NWD2: variants seen among roughly 807,000 people sequenced by gnomAD.
NWD2 encodes the protein NACHT and WD repeat domain-containing protein 2.
NWD2 carries 37 observed loss-of-function variants against 132.7 expected under a neutral mutation model. The ratio of observed to expected loss-of-function variants is 0.28; its 90% CI spans 0.21 to 0.37. The LOEUF (loss-of-function observed/expected upper bound fraction) is 0.37. Among genes scored for constraint, NWD2 ranks in the 10% least tolerant of loss-of-function variants. The pLI, the probability that NWD2 is intolerant of heterozygous loss-of-function variation, is 1.00. For synonymous variants in NWD2, 705 were observed against 803.0 expected, an observed-to-expected ratio of 0.88 and a Z score of 2.06; for missense variants, 1,592 against 2,122.4, an observed-to-expected ratio of 0.75 and a Z score of 4.91.
At chr4:37,317,584 G>A (rs1351203548) in intron 1 of NWD2, among the ~76,000 whole-genome samples, 2 of 152,148 alleles carry the variant, frequency 1.3e-5, no homozygotes, top group Non-Finnish European at 2.9e-5. Context: ...GATAGGAGAA[G>A]GCAAGAATCC....
At chr4:37,425,738 A>T (rs902015678) in intron 3 of NWD2, among the ~76,000 whole-genome samples, 11 of 152,186 alleles carry the variant, frequency 7.2e-5, no homozygotes, top group African/African-American at 2.4e-4. Flanking sequence ...GCAAAAAGCA[A>T]GCTTTTTGAG....
chr4:37,413,472 C>G (rs1215112674), intron 3 of NWD2, among the ~76,000 whole-genome samples: 1 of 152,166 alleles, frequency 6.6e-6, no homozygotes, highest in East Asian at 1.9e-4. Flanking sequence ...CAGAAAACAA[C>G]AGATGCTGGA....
In NWD2 at chr4:37,447,297, C is replaced by A; in HGVS notation, c.*80C>A. The A allele has an allele frequency of 2.7e-6, 3 of 1,091,550 alleles. No homozygotes were observed. Among genetic ancestry groups the A allele is most frequent in the Non-Finnish European group, 2.6e-6 (2 of 769,700 alleles). The allele number at this position is 1,091,550 out of a possible 1,614,324, so 67.6% of individuals were successfully genotyped here. On this transcript the variant is annotated 3_prime_UTR_variant, in exon 7 of 7. Coordinates refer to ENST00000309447, the MANE Select transcript of NWD2 (RefSeq NM_001144990.2). Reference sequence around the variant, plus strand: ...AATGTGCCCCAAATGATAAACTATTCATTTATTAAAAGGCAGGAGCGATGC... The same window carrying A: ...AATGTGCCCCAAATGATAAACTATTAATTTATTAAAAGGCAGGAGCGATGC...
At chr4:37,441,286 T>C (rs1290739915) in intron 6 of NWD2, among the ~76,000 whole-genome samples, 1 of 152,238 alleles carries the variant, frequency 6.6e-6, no homozygotes, top group East Asian at 1.9e-4. Context: ...CAGGAATTTG[T>C]ATGTGTATCT....
At chr4:37,275,955 G>A (rs1333134962) in intron 1 of NWD2, among the ~76,000 whole-genome samples, 1 of 152,092 alleles carries the variant, frequency 6.6e-6, no homozygotes, top group South Asian at 2.1e-4. Context: ...AATTCAAGAT[G>A]AATTAAAGAC....
chr4:37,355,748 C>T (rs762417707), intron 2 of NWD2, among the ~76,000 whole-genome samples: 1 of 152,106 alleles, frequency 6.6e-6, no homozygotes, highest in Non-Finnish European at 1.5e-5. Flanking sequence ...GATAGAGGAT[C>T]CTATTATCCT....
chr4:37,357,789 G>A (rs1719900055), intron 3 of NWD2, among the ~76,000 whole-genome samples: 1 of 152,096 alleles, frequency 6.6e-6, no homozygotes, highest in South Asian at 2.1e-4. Context: ...AAAGAAAAGA[G>A]AGAATACCAG....
At chr4:37,257,759 A>G (rs532939904) in intron 1 of NWD2, among the ~76,000 whole-genome samples, 1 of 152,314 alleles carries the variant, frequency 6.6e-6, no homozygotes, top group South Asian at 2.1e-4. Flanking sequence ...TAAAATGATG[A>G]TTTAATTACA....
At chr4:37,432,642 A>G (rs1712211237) in intron 4 of NWD2, among the ~76,000 whole-genome samples, 1 of 152,154 alleles carries the variant, frequency 6.6e-6, no homozygotes, top group African/African-American at 2.4e-5. Flanking sequence ...CCTTTGTAAA[A>G]TCTACCTAGC....
intron 1 of NWD2, among the ~76,000 whole-genome samples, chr4:37,319,626 AT>A (rs1719029113): frequency 6.6e-6 from 1 of 152,186 alleles, no homozygotes; most frequent in African/African-American, 2.4e-5. Context: ...TAAATCTTTA[AT>A]CTATCATGAG....
chr4:37,317,892 G>A (rs2109284183), intron 1 of NWD2, among the ~76,000 whole-genome samples: 1 of 152,178 alleles, frequency 6.6e-6, no homozygotes, highest in African/African-American at 2.4e-5. Context: ...GGCTTTAGGA[G>A]GACATGTTAA....
chr4:37,336,878 G>A (rs191965361), intron 2 of NWD2, among the ~76,000 whole-genome samples: 1 of 148,804 alleles, frequency 6.7e-6, no homozygotes, highest in African/African-American at 2.5e-5. Context: ...GGCGGAGGTT[G>A]CAGTGGGCCG....
chr4:37,430,468 C>A (rs1308392361), intron 3 of NWD2, 104 bp from the exon 4 acceptor site: 2 of 810,140 alleles, frequency 2.5e-6, no homozygotes, highest in Admixed American at 4.8e-5. Flanking sequence ...AGCAATGTAT[C>A]TTGTTATCTA....
intron 3 of NWD2, among the ~76,000 whole-genome samples, chr4:37,395,515 C>A (rs761117073): frequency 1.4e-3 from 181 of 129,120 alleles, no homozygotes; most frequent in Non-Finnish European, 1.2e-3. Context: ...CTGCCTCTCC[C>A]AGAGGTCGCA....
chr4:37,288,593 A>G (rs1180654324), intron 1 of NWD2, among the ~76,000 whole-genome samples: 1 of 152,240 alleles, frequency 6.6e-6, no homozygotes, highest in East Asian at 1.9e-4. Flanking sequence ...GCATGTGCAG[A>G]AATTTAATCA....
rs886120280 is a variant in NWD2 at position 37,244,760 on chromosome 4, G to T, written c.-308G>T. 7.3e-5 allele frequency: 22 copies of T among 302,386 alleles called. No homozygotes were observed. The highest frequency in any genetic ancestry group is 1.3e-4 in the Non-Finnish European group (21 of 165,334). 18.7% of individuals were successfully genotyped at this position (302,386 alleles called of 1,614,324 possible). On this transcript the variant is annotated 5_prime_UTR_variant, in exon 1 of 7. Coordinates refer to ENST00000309447, the MANE Select transcript of NWD2 (RefSeq NM_001144990.2). This position sits in a 1 kb window ranked among gnomAD's most constrained non-coding sequence, Gnocchi z 5.5. ...CCCGGCGCAAACGGGCGCTGCGCGCGTAGCCGCCGCCACGCTGACCTCCCG... is the reference window on the plus strand; with the variant it reads ...CCCGGCGCAAACGGGCGCTGCGCGCTTAGCCGCCGCCACGCTGACCTCCCG...
At position 37,444,106 on chromosome 4, in the gene NWD2, G is replaced by A. The variant is rs1198384347; in HGVS notation, c.2118G>A (p.Leu706=). The change falls in exon 7 of 7, where the codon TTG becomes TTA. Residue 706 remains leucine, a synonymous_variant. Transcript: ENST00000309447. The surrounding 1 kb of genome is among the most constrained non-coding windows in gnomAD (Gnocchi z 4.8). The stretch of plus-strand genomic sequence containing the variant: ...GCAATCCCCTGAGAGTACCTTACTT[G>A]TACATTGCAAGGCTCAAGGAGGGTC... ...RPSNPLRVPY[L]YIARLKEGLS... is the part of the protein sequence containing the mutation. 28 of 1,551,588 alleles carry A rather than the reference G, an allele frequency of 1.8e-5. No homozygotes were observed. Among genetic ancestry groups the A allele is most frequent in the Non-Finnish European group, 2.4e-5 (27 of 1,147,004 alleles).
intron 2 of NWD2, among the ~76,000 whole-genome samples, chr4:37,342,274 C>G (rs765064177): frequency 1.3e-5 from 2 of 152,098 alleles, no homozygotes; most frequent in Non-Finnish European, 2.9e-5. Context: ...CTTTCTCTCT[C>G]TTGCTCCCTC....
chr4:37,267,560 G>A (rs1282383108), intron 1 of NWD2, among the ~76,000 whole-genome samples: 1 of 151,926 alleles, frequency 6.6e-6, no homozygotes, highest in Non-Finnish European at 1.5e-5. Flanking sequence ...TGTGGCCTTT[G>A]AATTGAGGAC....
Sources: allele counts gnomAD v4.1 joint callset (sites outside exome capture counted in the v4.1 genomes callset), GRCh38; gene constraint gnomAD v4.1.1; non-coding constraint Gnocchi (gnomAD v3.1); transcripts MANE v1.5; gene names NCBI Gene and HGNC (gene_info 2026-07-23, HGNC 2026-07-21).